The following FHIT variants were observed in gnomAD, a reference collection of about 807,000 sequenced individuals.
The protein encoded by FHIT is fragile histidine triad diadenosine triphosphatase.
FHIT carries 19 observed loss-of-function variants against 17.9 expected under a neutral mutation model. The ratio of observed to expected loss-of-function variants is 1.06; its 90% CI spans 0.74 to 1.56. FHIT has a LOEUF of 1.56. FHIT is among the 40% of genes most tolerant of loss of function. The pLI, the probability that FHIT is intolerant of heterozygous loss-of-function variation, is 0.00. For synonymous variants in FHIT, 81 were observed against 69.7 expected, an observed-to-expected ratio of 1.16 and a Z score of -0.81; for missense variants, 248 against 189.2, an observed-to-expected ratio of 1.31 and a Z score of -1.82.
intron 5 of FHIT, among the ~76,000 whole-genome samples, chr3:60,406,630 T>G (rs189203732): frequency 6.6e-6 from 1 of 151,818 alleles, no homozygotes; most frequent in African/African-American, 2.4e-5. Flanking sequence ...CATTTGAAAG[T>G]TGTTGTCAGA....
chr3:60,881,515 G>A (rs1324387732), intron 3 of FHIT, among the ~76,000 whole-genome samples: 1 of 151,924 alleles, frequency 6.6e-6, no homozygotes, highest in Non-Finnish European at 1.5e-5. Flanking sequence ...ACATCCTCAA[G>A]GACAGATCAC....
chr3:60,063,428 T>A (rs79713636), intron 5 of FHIT, among the ~76,000 whole-genome samples: 1 of 152,174 alleles, frequency 6.6e-6, no homozygotes, highest in African/African-American at 2.4e-5. Flanking sequence ...CAAATTCACA[T>A]TGGTTGAGGA....
At chr3:59,937,031 G>T (rs545393524) in intron 7 of FHIT, among the ~76,000 whole-genome samples, 3 of 152,116 alleles carry the variant, frequency 2.0e-5, no homozygotes, top group Admixed American at 1.3e-4. Context: ...TGATTAAAAC[G>T]GTCACCCCAA....
intron 8 of FHIT, among the ~76,000 whole-genome samples, chr3:59,864,185 C>G (rs1702530187): frequency 6.6e-6 from 1 of 152,124 alleles, no homozygotes; most frequent in Non-Finnish European, 1.5e-5. Flanking sequence ...GTGTCCCCAC[C>G]CAAATCTCAA....
chr3:61,204,905 T>C lies in FHIT; in HGVS notation c.-212-4240A>G, dbSNP rs1474395906. Reference sequence around the variant, plus strand: ...TTGTTACATATGTATACATGTGCCATGTTGGTGTGCTGCACCCATTAACTC... The same window carrying C: ...TTGTTACATATGTATACATGTGCCACGTTGGTGTGCTGCACCCATTAACTC... On this transcript the variant is annotated intron_variant, in intron 1 of 9. Coordinates refer to ENST00000492590, the MANE Select transcript of FHIT (RefSeq NM_002012.4). Among the ~76,000 whole-genome samples the C allele has an allele frequency of 2.0e-5, 3 of 152,052 alleles. No individual in the cohort carries two copies. In the South Asian group the frequency reaches 6.2e-4, roughly 32 times the overall value.
intron 8 of FHIT, among the ~76,000 whole-genome samples, chr3:59,754,786 A>AAAACT (rs1285996147): frequency 2.6e-5 from 4 of 152,224 alleles, no homozygotes; most frequent in Non-Finnish European, 4.4e-5. Context: ...AAATAAAACA[A>AAAACT]AAACTAATCA....
chr3:60,814,909 G>GA (rs1553737168), intron 4 of FHIT, among the ~76,000 whole-genome samples: 1 of 134,136 alleles, frequency 7.5e-6, no homozygotes, highest in African/African-American at 2.7e-5. Context: ...TGTTTTTGTT[G>GA]TTTTTTTTTT....
At chr3:61,169,604 T>A (rs1156501105) in intron 2 of FHIT, among the ~76,000 whole-genome samples, 1 of 152,220 alleles carries the variant, frequency 6.6e-6, no homozygotes, top group Non-Finnish European at 1.5e-5. Context: ...TTAAATCATA[T>A]AGAAAAATGA....
At chr3:60,218,996 G>A (rs767516501) in intron 5 of FHIT, among the ~76,000 whole-genome samples, 2 of 151,994 alleles carry the variant, frequency 1.3e-5, no homozygotes, top group East Asian at 3.9e-4. Flanking sequence ...TTCTTCAAAG[G>A]CTCTCATGAA....
intron 2 of FHIT, among the ~76,000 whole-genome samples, chr3:61,076,471 T>G (rs940377244): frequency 1.2e-4 from 18 of 152,150 alleles, no homozygotes; most frequent in Non-Finnish European, 2.1e-4. Flanking sequence ...AGGACCAAGA[T>G]GGTGAATGCT....
At chr3:60,556,209 G>C (rs151738) in intron 4 of FHIT, among the ~76,000 whole-genome samples, 1 of 152,242 alleles carries the variant, frequency 6.6e-6, no homozygotes, top group Non-Finnish European at 1.5e-5. Flanking sequence ...TCCCGCAGTA[G>C]TCAGCATACT....
chr3:60,266,293 C>T (rs973555284), intron 5 of FHIT, among the ~76,000 whole-genome samples: 2 of 152,002 alleles, frequency 1.3e-5, no homozygotes, highest in African/African-American at 4.8e-5. Context: ...AGAAGCCAGT[C>T]ACAAAAGACC....
At chr3:60,011,594 TA>T (rs1700143187) in intron 6 of FHIT, among the ~76,000 whole-genome samples, 194 bp from the exon 7 acceptor site, 1 of 152,332 alleles carries the variant, frequency 6.6e-6, no homozygotes, top group Admixed American at 6.5e-5. Context: ...AGTGCGAAGT[TA>T]TGTATAAAAA....
Position 61,202,777 on chromosome 3 carries a change from C to T in FHIT, c.-212-2112G>A, listed in dbSNP as rs2039068466. Among the ~76,000 whole-genome samples the T allele has an allele frequency of 2.6e-5, 4 of 152,138 alleles. No homozygotes were observed. In the South Asian group the frequency reaches 8.3e-4, roughly 32 times the overall value. On this transcript the variant is annotated intron_variant, in intron 1 of 9. Coordinates refer to ENST00000492590, the MANE Select transcript of FHIT (RefSeq NM_002012.4). ...AATGAAAGTAAAGCAACAGTGCGGA[C>T]ACTGTGTCTCACGCCTGTAATCCCA...
intron 5 of FHIT, among the ~76,000 whole-genome samples, chr3:60,391,640 CAT>C (rs1322642926): frequency 6.6e-6 from 1 of 152,142 alleles, no homozygotes; most frequent in African/African-American, 2.4e-5. Flanking sequence ...GTTACAGCTG[CAT>C]ATAATATTCA....
intron 4 of FHIT, among the ~76,000 whole-genome samples, chr3:60,555,429 C>G (rs1214807433): frequency 6.6e-6 from 1 of 152,210 alleles, no homozygotes; most frequent in Admixed American, 6.5e-5. Flanking sequence ...CAAGTCTTGA[C>G]TCTTCTTCCA....
At chr3:60,281,265 C>G (rs1257426540) in intron 5 of FHIT, among the ~76,000 whole-genome samples, 2 of 152,054 alleles carry the variant, frequency 1.3e-5, no homozygotes, top group African/African-American at 4.8e-5. Context: ...CGGTTCTTCC[C>G]AACTTGATTA....
chr3:60,141,048 G>A (rs1260564784), intron 5 of FHIT, among the ~76,000 whole-genome samples: 1 of 152,140 alleles, frequency 6.6e-6, no homozygotes, highest in African/African-American at 2.4e-5. Context: ...ACTATTAGTT[G>A]AAGAAATGGC....
chr3:59,955,378 C>CTA lies in FHIT; in HGVS notation c.280-32965_280-32964insTA, dbSNP rs760404487. On this transcript the variant is annotated intron_variant, in intron 7 of 9. Transcript: ENST00000492590. ...TCTCCATTGCCAAGTCCTCTTCTATCCAATTTCTAAATGTTGGCAAACTGC... is the reference window on the plus strand; with the variant it reads ...TCTCCATTGCCAAGTCCTCTTCTATCTACAATTTCTAAATGTTGGCAAACTGC... 8.5e-5 allele frequency among the ~76,000 whole-genome samples: 13 copies of CTA among 152,284 alleles called. No homozygotes were observed. The East Asian group carries it at 1.7e-3, about 20-fold the overall frequency.
Sources: allele counts gnomAD v4.1 joint callset (sites outside exome capture counted in the v4.1 genomes callset), GRCh38; gene constraint gnomAD v4.1.1; transcripts MANE v1.5; gene names NCBI Gene and HGNC (gene_info 2026-07-23, HGNC 2026-07-21).